Variants in DNMBP observed in about 807,000 individuals in gnomAD.
DNMBP encodes dynamin binding protein.
In DNMBP, 87 loss-of-function variants were observed where a neutral mutation model predicts 150.0. That is an observed-to-expected ratio of 0.58 (90% confidence interval 0.49 to 0.69). The LOEUF (loss-of-function observed/expected upper bound fraction) is 0.69. Ranked by LOEUF, DNMBP falls within the 30% of genes least tolerant of loss-of-function variation. DNMBP has a pLI of 0.00. For synonymous variants in DNMBP, 711 were observed against 750.4 expected (o/e 0.95, Z 0.86); for missense variants, 1,774 against 1,949.0 (o/e 0.91, Z 1.69).
rs1195899548 is a variant in DNMBP at position 99,876,991 on chromosome 10, A to T, written c.*160T>A. 5.2e-6 allele frequency: 3 copies of T among 572,998 alleles called. No individual in the cohort carries two copies. The Admixed American group carries it at 1.1e-4, about 21-fold the overall frequency. 35.5% of individuals were successfully genotyped at this position (572,998 alleles called of 1,614,324 possible). A position where few individuals can be genotyped will look rare whatever the true frequency, so the allele number is the denominator to read the frequency against. On this transcript the variant is annotated 3_prime_UTR_variant, in exon 17 of 17. Coordinates refer to ENST00000324109, the MANE Select transcript of DNMBP (RefSeq NM_015221.4). ...TAGTGAGCATCAAGGTTTACAACCC[A>T]ATCGAGGAGAACAAGATCTGTGGTG...
At chr10:99,905,541 A>G (rs7080771) in intron 6 of DNMBP, among the ~76,000 whole-genome samples, 68,153 of 151,954 alleles carry the variant, frequency 0.45, 15,521 homozygotes, top group African/African-American at 0.48. Flanking sequence ...TGGGCAACAG[A>G]GCAAGACCTC....
At chr10:99,949,885 T>C (rs975690186) in intron 4 of DNMBP, among the ~76,000 whole-genome samples, 1 of 152,192 alleles carries the variant, frequency 6.6e-6, no homozygotes, top group East Asian at 1.9e-4. Flanking sequence ...AACACTGCAG[T>C]GTTCTTAAGC....
At chr10:99,920,682 G>A (rs565819931) in intron 4 of DNMBP, among the ~76,000 whole-genome samples, 2 of 152,128 alleles carry the variant, frequency 1.3e-5, no homozygotes, top group East Asian at 1.9e-4. Flanking sequence ...GAACTCTGAC[G>A]CGACTTCTCA....
chr10:100,006,336 T>G (rs907847190), intron 1 of DNMBP, among the ~76,000 whole-genome samples: 31 of 152,196 alleles, frequency 2.0e-4, no homozygotes, highest in African/African-American at 7.5e-4. Flanking sequence ...GCAATCCTCT[T>G]GCCTCCCTGT....
intron 3 of DNMBP, among the ~76,000 whole-genome samples, chr10:99,967,440 C>T (rs908398574): frequency 6.6e-6 from 1 of 151,968 alleles, no homozygotes; most frequent in Non-Finnish European, 1.5e-5. Flanking sequence ...GAAGGAGAAT[C>T]GCTTGAACCT....
intron 4 of DNMBP, among the ~76,000 whole-genome samples, chr10:99,945,830 A>G (rs2040350537): frequency 6.6e-6 from 1 of 152,266 alleles, no homozygotes; most frequent in Non-Finnish European, 1.5e-5. Flanking sequence ...CTGAATTAGC[A>G]CAAGCAATAT....
Position 99,895,018 on chromosome 10 carries a change from T to C in DNMBP, c.3084A>G (p.Lys1028=), listed in dbSNP as rs2039631106. Residue 1028 remains lysine, a synonymous_variant, in exon 11 of 17, where the codon AAA becomes AAG. Coordinates refer to ENST00000324109, the MANE Select transcript of DNMBP (RefSeq NM_015221.4). ...IKDEVFEETE[K]NFRMQERLIK... ...TCAATCTTTCTTGCATTCGGAAGTT[T>C]TTTTCTGTTTCTTCAAATACTTCAT... 1 of 1,613,318 alleles carries C rather than the reference T, an allele frequency of 6.2e-7. No individual in the cohort carries two copies. The highest frequency in any genetic ancestry group is 8.5e-7 in the Non-Finnish European group (1 of 1,179,582).
At chr10:99,970,181 G>A (rs1015728301) in intron 2 of DNMBP, among the ~76,000 whole-genome samples, 1 of 152,050 alleles carries the variant, frequency 6.6e-6, no homozygotes, top group African/African-American at 2.4e-5. Context: ...CATCATTTTT[G>A]TCTCAGCTGA....
Position 99,956,944 on chromosome 10 carries a change from A to G in DNMBP, c.530T>C (p.Val177Ala). 6.2e-7 allele frequency: 1 copy of G among 1,614,106 alleles called. No homozygotes were observed. Among genetic ancestry groups the G allele is most frequent in the South Asian group, 1.1e-5 (1 of 91,088 alleles). The change falls in exon 4 of 17, where the codon GTT (valine) becomes GCT (alanine). Residue 177 changes from valine to alanine, a missense_variant. Physicochemically the swap from Val to Ala is moderately conservative, Grantham distance 64. Around this residue, in one of 2 missense-constraint regions of DNMBP, gnomAD observed 344 missense variants for 456.6 expected, o/e 0.75. Coordinates refer to ENST00000324109, the MANE Select transcript of DNMBP (RefSeq NM_015221.4). ...REGDVITIIG[V>A]PEPGWFEGEL... ...CCCTTCAAACCAGCCTGGTTCAGGA[A>G]CTCCAATAATGGTGATCACATCCCC...
chr10:99,955,061 A>G (rs76729533), intron 4 of DNMBP, among the ~76,000 whole-genome samples, 153 bp downstream of exon 4: 38 of 140,618 alleles, frequency 2.7e-4, no homozygotes, highest in African/African-American at 3.7e-4. Flanking sequence ...AAAAAAAAGG[A>G]AAAAAAAAAA....
At chr10:99,983,147 A>C (rs1462482136) in intron 1 of DNMBP, among the ~76,000 whole-genome samples, 1 of 152,182 alleles carries the variant, frequency 6.6e-6, no homozygotes, top group Admixed American at 6.6e-5. Flanking sequence ...AGGTTCCTTC[A>C]AAAGAATATG....
At chr10:99,941,500 C>T (rs1324439548) in intron 4 of DNMBP, among the ~76,000 whole-genome samples, 1 of 150,922 alleles carries the variant, frequency 6.6e-6, no homozygotes, top group Non-Finnish European at 1.5e-5. Flanking sequence ...TGGAGTTTCA[C>T]TCTTGTTGCC....
In DNMBP at chr10:100,003,799, G is replaced by A. The variant is rs142990684; in HGVS notation, c.-11+6039C>T. ...TGTACTCCAGCCTGGGCAACAGAGG[G>A]AGACCCTGTCTTAAAAAGAAAAATA... On this transcript the variant is annotated intron_variant, in intron 1 of 16. Coordinates refer to ENST00000324109, the MANE Select transcript of DNMBP (RefSeq NM_015221.4). Among the ~76,000 whole-genome samples, 14 of 151,982 alleles carry A rather than the reference G, an allele frequency of 9.2e-5. No individual in the cohort carries two copies. The East Asian group carries it at 2.7e-3, about 29-fold the overall frequency.
intron 1 of DNMBP, among the ~76,000 whole-genome samples, chr10:99,982,165 C>T (rs959228270): frequency 2.0e-5 from 3 of 152,170 alleles, no homozygotes; most frequent in Non-Finnish European, 4.4e-5. Context: ...ATGGGGATGG[C>T]TAGGCGCAGT....
intron 1 of DNMBP, among the ~76,000 whole-genome samples, chr10:99,992,762 G>A (rs992548432): frequency 4.6e-5 from 7 of 152,086 alleles, no homozygotes; most frequent in Non-Finnish European, 8.8e-5. Context: ...TCATGACCTC[G>A]TGATCTACTC....
At chr10:99,983,913 G>T (rs1479262462) in intron 1 of DNMBP, among the ~76,000 whole-genome samples, 1 of 152,172 alleles carries the variant, frequency 6.6e-6, no homozygotes, top group African/African-American at 2.4e-5. Flanking sequence ...ATCGTGGAAG[G>T]CCGCCTCAGT....
At chr10:99,977,822 T>A (rs544116088) in intron 1 of DNMBP, among the ~76,000 whole-genome samples, 1 of 152,290 alleles carries the variant, frequency 6.6e-6, no homozygotes, top group African/African-American at 2.4e-5. Context: ...ATGAAACTAT[T>A]CATATCAAAA....
chr10:99,903,943 GACGGGGTTTTC>G (rs2039784158), intron 6 of DNMBP, among the ~76,000 whole-genome samples: 5 of 150,266 alleles, frequency 3.3e-5, no homozygotes, highest in Non-Finnish European at 7.4e-5. Context: ...TTTCTGTAGA[GACGGGGTTTTC>G]CCATGTTGCC....
chr10:99,971,617 G>T (rs2133354863), intron 2 of DNMBP, among the ~76,000 whole-genome samples: 1 of 152,144 alleles, frequency 6.6e-6, no homozygotes, highest in South Asian at 2.1e-4. Context: ...CACCTCCTGG[G>T]TTCAAGCAAT....
Sources: gnomAD v4.1 joint callset for allele counts (sites outside exome capture counted in the v4.1 genomes callset) on GRCh38, gnomAD v4.1.1 for gene constraint, gnomAD v4.1.1 regional missense constraint, MANE v1.5 for transcripts, NCBI Gene and HGNC (gene_info 2026-07-23, HGNC 2026-07-21) for gene names.